MCC: variants seen among roughly 807,000 people sequenced by gnomAD.
MCC encodes colorectal mutant cancer protein.
MCC carries 90 observed loss-of-function variants against 116.2 expected under a neutral mutation model. That is an observed-to-expected ratio of 0.77 (90% CI 0.65 to 0.92). The LOEUF is 0.92. Among genes scored for constraint, MCC ranks in the 40% least tolerant of loss-of-function variants. MCC has a pLI of 0.00. For synonymous variants in MCC, 578 were observed against 510.5 expected, an observed-to-expected ratio of 1.13 and a Z score of -1.78; for missense variants, 1,516 against 1,312.2, an observed-to-expected ratio of 1.16 and a Z score of -2.40.
intron 1 of MCC, among the ~76,000 whole-genome samples, chr5:113,416,781 T>A (rs1374600298): frequency 6.6e-6 from 1 of 152,156 alleles, no homozygotes. Flanking sequence ...TATTACTTCT[T>A]CAATAATAAA....
intron 13 of MCC, 93 bp downstream of exon 13, chr5:113,067,987 C>T (rs745674614): frequency 1.7e-5 from 19 of 1,088,970 alleles, no homozygotes; most frequent in Middle Eastern, 2.0e-4. Context: ...TTTGTGTTGT[C>T]GGGAGATGAT....
In MCC at chr5:113,295,186, GAAAA is replaced by G. The variant is rs1396985170; in HGVS notation, c.627+45329_627+45332del. On this transcript the variant is annotated intron_variant, in intron 3 of 18. Coordinates refer to ENST00000408903, the MANE Select transcript of MCC (RefSeq NM_001085377.2). ...GTGCAGGAAATTAAAAAAAAAAAAA[GAAAA>G]GAAAAAGAAAAAAAACTTCCCTCAT... Among the ~76,000 whole-genome samples, 9 of 148,040 alleles carry G rather than the reference GAAAA, an allele frequency of 6.1e-5. No individual in the cohort carries two copies. The East Asian group carries it at 1.8e-3, about 29-fold the overall frequency.
chr5:113,079,837 C>T (rs1001468788), intron 11 of MCC, among the ~76,000 whole-genome samples: 44 of 152,188 alleles, frequency 2.9e-4, no homozygotes, highest in African/African-American at 1.1e-3. Context: ...AGCTTCTGCA[C>T]AGCAAAAGAA....
intron 16 of MCC, among the ~76,000 whole-genome samples, chr5:113,044,228 C>A (rs1490961183): frequency 1.3e-5 from 2 of 152,204 alleles, no homozygotes; most frequent in Non-Finnish European, 2.9e-5. Context: ...GTGTAATCAT[C>A]AAGAAAACCC....
intron 14 of MCC, among the ~76,000 whole-genome samples, chr5:113,059,652 G>T (rs980287445): frequency 6.6e-6 from 1 of 152,246 alleles, no homozygotes; most frequent in Non-Finnish European, 1.5e-5. Flanking sequence ...TGTGTGTCTT[G>T]CTCTGGCTTC....
chr5:113,274,553 G>A (rs909846949), intron 3 of MCC, among the ~76,000 whole-genome samples: 4 of 152,086 alleles, frequency 2.6e-5, no homozygotes, highest in African/African-American at 9.7e-5. Context: ...TGGAGATGGG[G>A]TTTCACCATG....
At chr5:113,097,612 G>A (rs940098371) in intron 8 of MCC, among the ~76,000 whole-genome samples, 4 of 152,084 alleles carry the variant, frequency 2.6e-5, no homozygotes, top group African/African-American at 9.7e-5. Context: ...CAACACCAAG[G>A]GGAGGTAGAG....
At chr5:113,205,441 C>A (rs1308381706) in intron 3 of MCC, among the ~76,000 whole-genome samples, 1 of 152,188 alleles carries the variant, frequency 6.6e-6, no homozygotes, top group East Asian at 1.9e-4. Context: ...ATGGAGAAAA[C>A]AAAGTCTGAG....
At chr5:113,393,452 G>A (rs1410635707) in intron 1 of MCC, among the ~76,000 whole-genome samples, 1 of 152,158 alleles carries the variant, frequency 6.6e-6, no homozygotes, top group Non-Finnish European at 1.5e-5. Context: ...TTAGATGAAT[G>A]ATCCAAAATG....
intron 3 of MCC, among the ~76,000 whole-genome samples, chr5:113,242,927 T>G (rs1320990921): frequency 6.6e-6 from 1 of 152,194 alleles, no homozygotes; most frequent in African/African-American, 2.4e-5. Context: ...TGGTGAGAGT[T>G]TCCTCTCCTC....
intron 3 of MCC, among the ~76,000 whole-genome samples, chr5:113,228,726 T>C (rs1404668106): frequency 6.6e-6 from 1 of 152,108 alleles, no homozygotes. Flanking sequence ...TCAGCTGCTG[T>C]GGTGAGAACA....
intron 10 of MCC, 123 bp downstream of exon 10, chr5:113,083,978 A>C (rs1186001066): frequency 1.4e-6 from 1 of 715,304 alleles, no homozygotes; most frequent in East Asian, 2.5e-5. Flanking sequence ...ATCAGGTATG[A>C]TTTACTATTA....
chr5:113,466,846 T>C (rs1050010811), intron 1 of MCC, among the ~76,000 whole-genome samples: 17 of 152,028 alleles, frequency 1.1e-4, no homozygotes, highest in African/African-American at 3.9e-4. Context: ...CCAGCACCTG[T>C]TGTTTCCTGA....
chr5:113,114,504 T>C (rs1757282565), intron 6 of MCC, among the ~76,000 whole-genome samples: 1 of 149,428 alleles, frequency 6.7e-6, no homozygotes, highest in African/African-American at 2.4e-5. Flanking sequence ...CCTATAACCA[T>C]GGCCCAAAGT....
chr5:113,420,103 A>G (rs1187377813), intron 1 of MCC, among the ~76,000 whole-genome samples: 1 of 151,016 alleles, frequency 6.6e-6, no homozygotes, highest in Non-Finnish European at 1.5e-5. Context: ...CTCAATTGAA[A>G]TAAAAAAAGA....
At chr5:113,355,050 A>G (rs1310059204) in intron 2 of MCC, among the ~76,000 whole-genome samples, 2 of 152,142 alleles carry the variant, frequency 1.3e-5, no homozygotes, top group Non-Finnish European at 2.9e-5. Context: ...TGACTGAAGA[A>G]GGAAATACTA....
chr5:113,340,556 T>C lies in MCC; in HGVS notation c.590A>G (p.Asn197Ser). 6.2e-7 allele frequency: 1 copy of C among 1,614,022 alleles called. No individual in the cohort carries two copies. The highest frequency in any genetic ancestry group is 8.5e-7 in the Non-Finnish European group (1 of 1,179,978). ...CTCTAGATAGCTTCCTCCTACAGAG[T>C]TGCCAATGTGCGGGGACTGTGTGAG... ...KLLTQSPHIGNSVGGSYLELA... is the reference protein window; with the variant it reads ...KLLTQSPHIGSSVGGSYLELA... Residue 197 changes from asparagine to serine, a missense_variant, in exon 3 of 19, where the codon AAC becomes AGC. By Grantham distance (46) the Asn-to-Ser change is conservative. Coordinates refer to ENST00000408903, the MANE Select transcript of MCC (RefSeq NM_001085377.2).
At position 113,361,207 on chromosome 5, in the gene MCC, C is replaced by A. The variant is rs148515180; in HGVS notation, c.416-20477G>T. On this transcript the variant is annotated intron_variant, in intron 2 of 18. Coordinates refer to ENST00000408903, the MANE Select transcript of MCC (RefSeq NM_001085377.2). Reference sequence around the variant, plus strand: ...TCTTTGACGGTTATTAGTGCCTTATCTTTTTTTTACTTAACATTCTTGCCA... The same window carrying A: ...TCTTTGACGGTTATTAGTGCCTTATATTTTTTTTACTTAACATTCTTGCCA... Among the ~76,000 whole-genome samples the A allele has an allele frequency of 7.1e-3, 1,071 of 150,418 alleles. 5 individuals carry two copies. Among genetic ancestry groups the A allele is most frequent in the Non-Finnish European group, 0.011 (723 of 67,626 alleles).
At chr5:113,292,039 G>T (rs6594698) in intron 3 of MCC, among the ~76,000 whole-genome samples, 1 of 151,942 alleles carries the variant, frequency 6.6e-6, no homozygotes, top group Admixed American at 6.5e-5. Context: ...AGACCAGCCT[G>T]GCCAACATAG....
Sources: allele counts gnomAD v4.1 joint callset (sites outside exome capture counted in the v4.1 genomes callset), GRCh38; gene constraint gnomAD v4.1.1; transcripts MANE v1.5; gene names NCBI Gene and HGNC (gene_info 2026-07-23, HGNC 2026-07-21).